CCSER1: variants seen among roughly 807,000 people sequenced by gnomAD.
The protein encoded by CCSER1 is serine-rich coiled-coil domain-containing protein 1.
Under a neutral mutation model 82.0 loss-of-function variants are expected in CCSER1, and 41 were observed. That is an observed-to-expected ratio of 0.50 (90% confidence interval 0.39 to 0.65). The LOEUF (loss-of-function observed/expected upper bound fraction) is 0.65. CCSER1 is among the 30% of genes least tolerant of loss of function. The pLI, the probability that CCSER1 is intolerant of heterozygous loss-of-function variation, is 0.00. For synonymous variants in CCSER1, 414 were observed against 383.9 expected, an observed-to-expected ratio of 1.08 and a Z score of -0.92; for missense variants, 1,119 against 1,064.2, an observed-to-expected ratio of 1.05 and a Z score of -0.72.
chr4:90,328,247 G>A (rs192578162), intron 3 of CCSER1, among the ~76,000 whole-genome samples: 1 of 152,186 alleles, frequency 6.6e-6, no homozygotes, highest in East Asian at 1.9e-4. Context: ...TTTCCATAGG[G>A]AGAATAGCCA....
At chr4:91,045,600 A>G (rs1359763703) in intron 9 of CCSER1, among the ~76,000 whole-genome samples, 3 of 152,210 alleles carry the variant, frequency 2.0e-5, no homozygotes, top group African/African-American at 7.2e-5. Context: ...CATTATTATT[A>G]TGGAAATATT....
intron 7 of CCSER1, among the ~76,000 whole-genome samples, chr4:90,800,981 C>CA (rs34897470): frequency 0.34 from 51,641 of 151,718 alleles, 8,970 homozygotes; most frequent in East Asian, 0.42. Flanking sequence ...ACTGTATAAT[C>CA]GAAAAAAATC....
At chr4:90,608,025 C>T (rs561827112) in intron 5 of CCSER1, among the ~76,000 whole-genome samples, 154 of 152,290 alleles carry the variant, frequency 1.0e-3, no homozygotes, top group African/African-American at 3.6e-3. Flanking sequence ...CTCACATTTC[C>T]TAAGTTCTTT....
chr4:90,217,463 A>T (rs777477389), intron 1 of CCSER1, among the ~76,000 whole-genome samples: 91 of 152,108 alleles, frequency 6.0e-4, no homozygotes, highest in Non-Finnish European at 1.0e-3. Flanking sequence ...CTCCCAAAGT[A>T]CTGGGATTAT....
At chr4:90,884,318 T>C (rs1046011796) in intron 8 of CCSER1, among the ~76,000 whole-genome samples, 14 of 152,162 alleles carry the variant, frequency 9.2e-5, no homozygotes, top group Non-Finnish European at 4.4e-5. Flanking sequence ...TTAAGAAAAA[T>C]GTGTAAAAGT....
At chr4:91,486,299 G>GA (rs1302313646) in intron 10 of CCSER1, among the ~76,000 whole-genome samples, 7 of 151,820 alleles carry the variant, frequency 4.6e-5, no homozygotes, top group Non-Finnish European at 7.4e-5. Flanking sequence ...TCTTTCTCCT[G>GA]AAAAAAAATT....
chr4:90,855,352 T>A, intron 8 of CCSER1, among the ~76,000 whole-genome samples: 1 of 152,182 alleles, frequency 6.6e-6, no homozygotes, highest in Non-Finnish European at 1.5e-5. Context: ...TACTATTTGC[T>A]CAATCTATTT....
intron 1 of CCSER1, among the ~76,000 whole-genome samples, chr4:90,147,848 A>T (rs1434407763): frequency 6.6e-6 from 1 of 152,188 alleles, no homozygotes; most frequent in East Asian, 1.9e-4. Context: ...TCATTTGAAG[A>T]GTATAATTAT....
intron 3 of CCSER1, among the ~76,000 whole-genome samples, chr4:90,334,822 T>G (rs1651316583): frequency 6.6e-6 from 1 of 152,162 alleles, no homozygotes; most frequent in Non-Finnish European, 1.5e-5. Context: ...ATTCTAATAT[T>G]TTGACTTCAA....
At chr4:91,159,522 A>C (rs1407823875) in intron 10 of CCSER1, among the ~76,000 whole-genome samples, 1 of 151,994 alleles carries the variant, frequency 6.6e-6, no homozygotes, top group African/African-American at 2.4e-5. Flanking sequence ...AATATTAATT[A>C]TTAATATACA....
chr4:90,156,653 T>A (rs940641809), intron 1 of CCSER1, among the ~76,000 whole-genome samples: 2 of 152,308 alleles, frequency 1.3e-5, no homozygotes, highest in African/African-American at 2.4e-5. Flanking sequence ...CTTTTGATCT[T>A]TGTTGGTTTA....
At chr4:90,240,239 GCCTGTAGTGGA>G in intron 1 of CCSER1, among the ~76,000 whole-genome samples, 1 of 152,286 alleles carries the variant, frequency 6.6e-6, no homozygotes. Flanking sequence ...AGAGTATGGG[GCCTGTAGTGGA>G]CTCAGTAGGA....
chr4:90,519,378 A>G (rs1331856638), intron 5 of CCSER1, among the ~76,000 whole-genome samples: 1 of 151,940 alleles, frequency 6.6e-6, no homozygotes, highest in Non-Finnish European at 1.5e-5. Context: ...GTGACAATTT[A>G]TATTATTCTA....
At chr4:90,220,709 G>A (rs1741993975) in intron 1 of CCSER1, among the ~76,000 whole-genome samples, 2 of 152,124 alleles carry the variant, frequency 1.3e-5, no homozygotes, top group Non-Finnish European at 2.9e-5. Flanking sequence ...AATTTACCAG[G>A]CAGTGGACAC....
intron 10 of CCSER1, among the ~76,000 whole-genome samples, chr4:91,307,641 G>C (rs1200358927): frequency 6.6e-6 from 1 of 151,974 alleles, no homozygotes; most frequent in Non-Finnish European, 1.5e-5. Context: ...AAACAATCTT[G>C]TGTCTACTGG....
At chr4:90,399,810 G>C (rs1752553224) in intron 3 of CCSER1, among the ~76,000 whole-genome samples, 1 of 151,924 alleles carries the variant, frequency 6.6e-6, no homozygotes, top group African/African-American at 2.4e-5. Context: ...GAAAAAAAAT[G>C]AATGTGCAGA....
intron 6 of CCSER1, among the ~76,000 whole-genome samples, chr4:90,692,495 TTG>T (rs1212339603): frequency 1.3e-5 from 2 of 151,828 alleles, no homozygotes; most frequent in African/African-American, 4.8e-5. Flanking sequence ...TAAGAAGAGA[TTG>T]TGTTATAGGC....
intron 9 of CCSER1, among the ~76,000 whole-genome samples, chr4:91,034,909 T>A (rs1179423681): frequency 6.6e-6 from 1 of 152,182 alleles, no homozygotes; most frequent in African/African-American, 2.4e-5. Context: ...TTAATTCTTT[T>A]AATTGCATGA....
chr4:90,617,262 G>C (rs138475347), intron 5 of CCSER1, among the ~76,000 whole-genome samples: 1 of 151,894 alleles, frequency 6.6e-6, no homozygotes, highest in Non-Finnish European at 1.5e-5. Flanking sequence ...CTTTCTAAAT[G>C]GGCAGTTATC....
Sources: gnomAD v4.1 joint callset for allele counts (sites outside exome capture counted in the v4.1 genomes callset) on GRCh38, gnomAD v4.1.1 for gene constraint, MANE v1.5 for transcripts, NCBI Gene and HGNC (gene_info 2026-07-23, HGNC 2026-07-21) for gene names.